The following PUS1 variants were observed in gnomAD, a reference collection of about 807,000 sequenced individuals.
PUS1 encodes pseudouridine synthase 1, also known as pseudouridylate synthase 1 homolog.
In PUS1, 25 loss-of-function variants were observed where a neutral mutation model predicts 38.5. That is an observed-to-expected ratio of 0.65 (90% CI 0.47 to 0.91). The LOEUF is 0.91. Ranked by LOEUF, PUS1 falls within the 40% of genes least tolerant of loss-of-function variation. The pLI is 0.00. For synonymous variants in PUS1, 282 were observed against 260.4 expected (o/e 1.08, Z -0.80); for missense variants, 597 against 612.3 (o/e 0.97, Z 0.26).
At chr12:131,937,247 CCATGATTCTTAATAATGCCA>C (rs1294061663) in intron 3 of PUS1, among the ~76,000 whole-genome samples, 3 of 152,104 alleles carry the variant, frequency 2.0e-5, no homozygotes, top group Non-Finnish European at 2.9e-5. Context: ...AAGAATAATG[CCATGATTCTTAATAATGCCA>C]CATGATTCTT....
At chr12:131,937,825 TG>T (rs1217837090) in intron 3 of PUS1, among the ~76,000 whole-genome samples, 2 of 152,100 alleles carry the variant, frequency 1.3e-5, no homozygotes, top group African/African-American at 2.4e-5. Context: ...GGATTATGAA[TG>T]AGAGCCACTG....
rs1156671661 is a variant in PUS1 at position 131,941,720 on chromosome 12, G to A, written c.973G>A (p.Val325Met). The A allele has an allele frequency of 6.8e-6, 11 of 1,614,108 alleles. No homozygotes were observed. Among genetic ancestry groups the A allele is most frequent in the East Asian group, 2.2e-5 (1 of 44,872 alleles). Reference sequence around the variant, plus strand: ...CAGCTGGGGCACAGAGAAGGTGGACGTGCCCAAGGCGCCCGGACTCGGCCT... The same window carrying A: ...CAGCTGGGGCACAGAGAAGGTGGACATGCCCAAGGCGCCCGGACTCGGCCT... Reference protein sequence around the residue: ...ERSWGTEKVDVPKAPGLGLVL... With the variant: ...ERSWGTEKVDMPKAPGLGLVL... The change falls in exon 5 of 6, where the codon GTG becomes ATG. Residue 325 changes from valine to methionine, a missense_variant. Coordinates refer to ENST00000376649, the MANE Select transcript of PUS1 (RefSeq NM_025215.6). This position sits in a 1 kb window ranked among gnomAD's most constrained non-coding sequence, Gnocchi z 4.4.
chr12:131,943,398 A>G, intron 5 of PUS1, 141 bp from the exon 6 acceptor site: 1 of 782,250 alleles, frequency 1.3e-6, no homozygotes, highest in Non-Finnish European at 2.3e-6. Flanking sequence ...AATGACCGAG[A>G]ACAAACACCA....
chr12:131,937,339 T>C (rs1009878560), intron 3 of PUS1, among the ~76,000 whole-genome samples: 1 of 152,212 alleles, frequency 6.6e-6, no homozygotes, highest in East Asian at 1.9e-4. Context: ...GTTTTTACCA[T>C]ATTATCATAG....
At chr12:131,942,018 A>G in intron 5 of PUS1, 35 bp downstream of exon 5, 1 of 1,556,490 alleles carries the variant, frequency 6.4e-7, no homozygotes, top group South Asian at 1.1e-5. Context: ...TCAGCAGAAC[A>G]CAGGCCCACA....
chr12:131,930,011 A>G lies in PUS1; in HGVS notation c.179A>G (p.Glu60Gly). 9.5e-6 allele frequency: 14 copies of G among 1,477,290 alleles called. No homozygotes were observed. The highest frequency in any genetic ancestry group is 1.2e-5 in the Non-Finnish European group (13 of 1,121,332). The allele number at this position is 1,477,290 out of a possible 1,614,324, so 91.5% of individuals were successfully genotyped here. A position where few individuals can be genotyped will look rare whatever the true frequency, so the allele number is the denominator to read the frequency against. The part of the protein sequence containing the change: ...SGRAGGDRVW[E>G]DGEHPAKKLK... ...CGGGCCGGGGGCGACCGCGTCTGGGAGGACGGAGAACATCCGGCGAAGAAG... is the reference window on the plus strand; with the variant it reads ...CGGGCCGGGGGCGACCGCGTCTGGGGGGACGGAGAACATCCGGCGAAGAAG... Residue 60 changes from glutamate (E) to glycine (G), a missense_variant, in exon 2 of 6, where the codon GAG (glutamate) becomes GGG (glycine). By Grantham distance (98) the Glu-to-Gly change is moderately conservative. Transcript: ENST00000376649.
intron 5 of PUS1, among the ~76,000 whole-genome samples, chr12:131,942,942 C>T (rs531630730): frequency 3.1e-4 from 47 of 152,332 alleles, no homozygotes; most frequent in Non-Finnish European, 5.0e-4. Flanking sequence ...AGCCCAGGGA[C>T]GGCAGGGAGT....
Position 131,941,190 on chromosome 12 carries a change from C to G in PUS1, c.545-102C>G. The stretch of plus-strand genomic sequence containing the variant: ...TGCTTGCTGGAGCTTGGTCGGTGCT[C>G]TGGGTAAGGAGACGCTGGGGCTCAC... On this transcript the variant is annotated intron_variant, in intron 4 of 5. Transcript: ENST00000376649. This position sits in a 1 kb window ranked among gnomAD's most constrained non-coding sequence, Gnocchi z 4.4. 2 of 1,031,214 alleles carry G rather than the reference C, an allele frequency of 1.9e-6. No individual in the cohort carries two copies. Among genetic ancestry groups the G allele is most frequent in the Non-Finnish European group, 2.9e-6 (2 of 679,270 alleles). The allele number at this position is 1,031,214 out of a possible 1,614,324, so 63.9% of individuals were successfully genotyped here.
chr12:131,936,377 A>G (rs997200174), intron 3 of PUS1, among the ~76,000 whole-genome samples: 22 of 151,802 alleles, frequency 1.4e-4, no homozygotes, highest in African/African-American at 5.3e-4. Flanking sequence ...AGCCTGGTCA[A>G]TATGGCGAAA....
At position 131,941,874 on chromosome 12, in the gene PUS1, C is replaced by CCATCATCGGCA; in HGVS notation, c.1129_1139dup (p.Glu381SerfsTer15). 1 of 1,613,836 alleles carries CCATCATCGGCA rather than the reference C, an allele frequency of 6.2e-7. No individual in the cohort carries two copies. Among genetic ancestry groups the CCATCATCGGCA allele is most frequent in the Non-Finnish European group, 8.5e-7 (1 of 1,180,050 alleles). On this transcript the variant is annotated frameshift_variant, in exon 5 of 6. Transcript: ENST00000376649. LOFTEE classifies it high-confidence loss of function. The surrounding 1 kb of genome is among the most constrained non-coding windows in gnomAD (Gnocchi z 4.4). ...TTCAAGGAGGAGCACATCTACCCCA[C>CCATCATCGGCA]CATCATCGGCACCGAGCGGGACGAA...
Position 131,941,301 on chromosome 12 carries a change from G to A in PUS1, c.554G>A (p.Arg185Gln), listed in dbSNP as rs779185827. The stretch of plus-strand genomic sequence containing the variant: ...ACCACCTCCCCCCTAGGACTGAAGC[G>A]GGTCACGGGCGGGTTTAACTCCAAG... ...PSHIRILGLK[R>Q]VTGGFNSKNR... The change falls in exon 5 of 6, where the codon CGG becomes CAG. Residue 185 changes from arginine (R) to glutamine (Q), a missense_variant. Transcript: ENST00000376649. The surrounding 1 kb of genome is among the most constrained non-coding windows in gnomAD (Gnocchi z 4.4). The A allele has an allele frequency of 5.6e-6, 9 of 1,613,952 alleles. 1 individual carries two copies. Among genetic ancestry groups the A allele is most frequent in the South Asian group, 5.5e-5 (5 of 91,080 alleles).
At position 131,942,699 on chromosome 12, in the gene PUS1, T is replaced by C. The variant is rs368730572; in HGVS notation, c.1236+716T>C. 1.3e-3 allele frequency among the ~76,000 whole-genome samples: 197 copies of C among 152,308 alleles called. 1 individual carries two copies. The highest frequency in any genetic ancestry group is 3.6e-3 in the African/African-American group (150 of 41,574). On this transcript the variant is annotated intron_variant, in intron 5 of 5. Coordinates refer to ENST00000376649, the MANE Select transcript of PUS1 (RefSeq NM_025215.6). Reference sequence around the variant, plus strand: ...GGGATTACAGTCGTGAGCCACTGCGTCCGGCCAGCCTGAGTTCTTTCATGG... The same window carrying C: ...GGGATTACAGTCGTGAGCCACTGCGCCCGGCCAGCCTGAGTTCTTTCATGG...
Position 131,929,449 on chromosome 12 carries a change from C to A in PUS1, c.-274C>A. 2.4e-6 allele frequency: 1 copy of A among 415,750 alleles called. No homozygotes were observed. Among genetic ancestry groups the A allele is most frequent in the Non-Finnish European group, 4.3e-6 (1 of 235,154 alleles). 25.8% of individuals were successfully genotyped at this position (415,750 alleles called of 1,614,324 possible). On this transcript the variant is annotated 5_prime_UTR_variant, in exon 1 of 6. Coordinates refer to ENST00000376649, the MANE Select transcript of PUS1 (RefSeq NM_025215.6). ...GACGTTGGAGTTGATCCGTCAGGGT[C>A]CCGGGGCGGTCTGGGGGCAGTAGAG...
chr12:131,931,831 A>G (rs1754481582), intron 2 of PUS1: 3 of 473,998 alleles, frequency 6.3e-6, no homozygotes, highest in Admixed American at 3.4e-5. Flanking sequence ...GCACCTGGCC[A>G]TAGATTACTT....
Position 131,929,697 on chromosome 12 carries a change from G to T in PUS1, c.-26G>T, listed in dbSNP as rs772354210. ...GGGTCAGGGGTCGGGGATCAGGGCG[G>T]GGTCGGGTGCACTGGTAGCCTGCGC... On this transcript the variant is annotated 5_prime_UTR_variant, in exon 1 of 6. Coordinates refer to ENST00000376649, the MANE Select transcript of PUS1 (RefSeq NM_025215.6). The T allele has an allele frequency of 3.2e-6, 5 of 1,562,296 alleles. No homozygotes were observed. The Admixed American group carries it at 8.8e-5, about 28-fold the overall frequency.
Position 131,929,581 on chromosome 12 carries a change from G to C in PUS1, c.-142G>C. 1 of 699,430 alleles carries C rather than the reference G, an allele frequency of 1.4e-6. No individual in the cohort carries two copies. Among genetic ancestry groups the C allele is most frequent in the South Asian group, 2.2e-5 (1 of 46,256 alleles). The allele number at this position is 699,430 out of a possible 1,614,324, so 43.3% of individuals were successfully genotyped here. A position where few individuals can be genotyped will look rare whatever the true frequency, so the allele number is the denominator to read the frequency against. On this transcript the variant is annotated 5_prime_UTR_variant, in exon 1 of 6. Transcript: ENST00000376649. ...CAGCTGGAGAGGGGCTGGGGCGCCG[G>C]TTTCCCGGAGGTCAGGGGTCAGAAG...
chr12:131,930,863 G>T (rs574915277), intron 2 of PUS1, among the ~76,000 whole-genome samples: 1 of 152,152 alleles, frequency 6.6e-6, no homozygotes, highest in South Asian at 2.1e-4. Context: ...GGGTCTCGCT[G>T]TGTTGCCCAG....
At position 131,929,791 on chromosome 12, in the gene PUS1, G is replaced by A; in HGVS notation, c.69G>A (p.Pro23=). 6.3e-7 allele frequency: 1 copy of A among 1,587,052 alleles called. No individual in the cohort carries two copies. Among genetic ancestry groups the A allele is most frequent in the Non-Finnish European group, 8.5e-7 (1 of 1,175,222 alleles). The part of the protein sequence containing the change: ...GRWTLRLGPR[P]SCSPRMAGNA... ...GGACCCTGCGCCTGGGACCGCGTCC[G>A]TCCTGGTAATGACCGCGACGCCGGG... Residue 23 remains proline (P), a synonymous_variant, in exon 1 of 6, where the codon CCG becomes CCA. Coordinates refer to ENST00000376649, the MANE Select transcript of PUS1 (RefSeq NM_025215.6).
intron 5 of PUS1, among the ~76,000 whole-genome samples, chr12:131,943,130 T>C (rs1443461289): frequency 1.3e-5 from 2 of 152,218 alleles, no homozygotes; most frequent in African/African-American, 4.8e-5. Flanking sequence ...TGGTAGTTAA[T>C]TTTTCCCAAG....
Sources: allele counts gnomAD v4.1 joint callset (sites outside exome capture counted in the v4.1 genomes callset), GRCh38; gene constraint gnomAD v4.1.1; non-coding constraint Gnocchi (gnomAD v3.1); transcripts MANE v1.5; gene names NCBI Gene and HGNC (gene_info 2026-07-23, HGNC 2026-07-21).